The following RBM38 variants were observed in gnomAD, a reference collection of about 807,000 sequenced individuals.
The protein encoded by RBM38 is RNA binding motif protein 38.
In RBM38, 11 loss-of-function variants were observed where a neutral mutation model predicts 23.5. That is an observed-to-expected ratio of 0.47 (90% CI 0.29 to 0.77). The LOEUF (loss-of-function observed/expected upper bound fraction) is 0.77. Among genes scored for constraint, RBM38 ranks in the 30% least tolerant of loss-of-function variants. The pLI is 0.08. For synonymous variants in RBM38, 165 were observed against 166.1 expected (o/e 0.99, Z 0.05); for missense variants, 330 against 351.9 (o/e 0.94, Z 0.50).
chr20:57,408,055 G>A lies in RBM38; in HGVS notation c.*209G>A. 1.6e-6 allele frequency: 1 copy of A among 631,750 alleles called. No homozygotes were observed. The highest frequency in any genetic ancestry group is 2.0e-5 in the South Asian group (1 of 50,910). 39.1% of individuals were successfully genotyped at this position (631,750 alleles called of 1,614,324 possible). A position where few individuals can be genotyped will look rare whatever the true frequency, so the allele number is the denominator to read the frequency against. On this transcript the variant is annotated 3_prime_UTR_variant, in exon 4 of 4. Coordinates refer to ENST00000356208, the MANE Select transcript of RBM38 (RefSeq NM_017495.6). ...ATCTAGGTCCCATTGTGTCTTGAGG[G>A]AGGACTTTAAGAATGACTGAGAACT...
In RBM38 at chr20:57,407,536, C is replaced by A; in HGVS notation, c.417-7C>A. 6.2e-7 allele frequency: 1 copy of A among 1,612,486 alleles called. No homozygotes were observed. Among genetic ancestry groups the A allele is most frequent in the Non-Finnish European group, 8.5e-7 (1 of 1,178,904 alleles). The stretch of plus-strand genomic sequence containing the variant: ...CTGGCCCTAACCTGCTCTGCTTGGC[C>A]CCACAGGCTGACCCCGCACTACATC... On this transcript the variant is annotated splice_region_variant and splice_polypyrimidine_tract_variant and intron_variant, in intron 3 of 3. Transcript: ENST00000356208. This position sits in a 1 kb window ranked among gnomAD's most constrained non-coding sequence, Gnocchi z 4.0.
At chr20:57,394,680 G>C (rs2067256606) in intron 3 of RBM38, among the ~76,000 whole-genome samples, 1 of 152,056 alleles carries the variant, frequency 6.6e-6, no homozygotes, top group African/African-American at 2.4e-5. Flanking sequence ...GAGGGTGTTT[G>C]GGGACACTGT....
At chr20:57,392,239 A>C in intron 1 of RBM38, 1 of 361,160 alleles carries the variant, frequency 2.8e-6, no homozygotes, top group Non-Finnish European at 5.3e-6. Context: ...AATAAACATC[A>C]GCTTAAGTAA....
chr20:57,407,569 C>T lies in RBM38; in HGVS notation c.443C>T (p.Pro148Leu). ...YGLTPHYIYPPAIVQPSVVIP... is the reference protein window; with the variant it reads ...YGLTPHYIYPLAIVQPSVVIP... ...CTGACCCCGCACTACATCTACCCAC[C>T]AGCCATCGTGCAGCCCAGCGTGGTG... is the stretch of plus-strand genomic sequence containing the variant. The change falls in exon 4 of 4, where the codon CCA becomes CTA. Residue 148 changes from proline (P) to leucine (L), a missense_variant. Physicochemically the swap from Pro to Leu is moderately conservative, Grantham distance 98. Transcript: ENST00000356208. The surrounding 1 kb of genome is among the most constrained non-coding windows in gnomAD (Gnocchi z 4.0). 1 of 1,613,802 alleles carries T rather than the reference C, an allele frequency of 6.2e-7. No homozygotes were observed. Among genetic ancestry groups the T allele is most frequent in the South Asian group, 1.1e-5 (1 of 91,056 alleles).
In RBM38 at chr20:57,393,328, TTACGGG is replaced by T; in HGVS notation, c.413_416+2del. The T allele has an allele frequency of 6.2e-7, 1 of 1,613,866 alleles. No homozygotes were observed. Among genetic ancestry groups the T allele is most frequent in the Non-Finnish European group, 8.5e-7 (1 of 1,179,824 alleles). On this transcript the variant is annotated splice_donor_variant and coding_sequence_variant, in exon 3 of 4. Transcript: ENST00000356208. LOFTEE classifies it high-confidence loss of function. Reference sequence around the variant, plus strand: ...TGCACCCCACCTTGATCCAGCGGACTTACGGGTGAGTGGACATGGCTGGCTTGGGGT... The same window carrying T: ...TGCACCCCACCTTGATCCAGCGGACTTGAGTGGACATGGCTGGCTTGGGGT...
At chr20:57,394,197 CGT>C (rs1178613812) in intron 3 of RBM38, among the ~76,000 whole-genome samples, 1 of 152,164 alleles carries the variant, frequency 6.6e-6, no homozygotes, top group Non-Finnish European at 1.5e-5. Flanking sequence ...CAGTTGATCA[CGT>C]GTGTGTGCTC....
At position 57,391,607 on chromosome 20, in the gene RBM38, C is replaced by T. The variant is rs1434128269; in HGVS notation, c.26C>T (p.Ala9Val). The T allele has an allele frequency of 7.1e-7, 1 of 1,407,114 alleles. No individual in the cohort carries two copies. Among genetic ancestry groups the T allele is most frequent in the South Asian group, 1.4e-5 (1 of 71,878 alleles). The allele number at this position is 1,407,114 out of a possible 1,614,324, so 87.2% of individuals were successfully genotyped here. A position where few individuals can be genotyped will look rare whatever the true frequency, so the allele number is the denominator to read the frequency against. MLLQPAPC[A>V]PSAGFPRPLA... is the part of the protein sequence containing the mutation. The stretch of plus-strand genomic sequence containing the variant: ...ATGCTGCTGCAGCCCGCGCCGTGCG[C>T]CCCGAGCGCGGGCTTCCCGCGGCCC... The change falls in exon 1 of 4, where the codon GCC (alanine) becomes GTC (valine). Residue 9 changes from alanine (A) to valine (V), a missense_variant. Ala to Val is a moderately conservative substitution (Grantham distance 64). Transcript: ENST00000356208.
At position 57,407,668 on chromosome 20, in the gene RBM38, A is replaced by G; in HGVS notation, c.542A>G (p.Gln181Arg). ...EYTPASPAYA[Q>R]YPPATYDQYP... ...ACGCCGGCCAGCCCGGCCTACGCCC[A>G]GTACCCACCGGCCACCTATGACCAG... Residue 181 changes from glutamine to arginine, a missense_variant, in exon 4 of 4, where the codon CAG (glutamine) becomes CGG (arginine). This residue lies in a region of RBM38 where 227 missense variants were observed against 216.4 expected (regional missense o/e 1.05). Coordinates refer to ENST00000356208, the MANE Select transcript of RBM38 (RefSeq NM_017495.6). The surrounding 1 kb of genome is among the most constrained non-coding windows in gnomAD (Gnocchi z 4.0). 1.2e-6 allele frequency: 2 copies of G among 1,613,122 alleles called. No homozygotes were observed. The highest frequency in any genetic ancestry group is 8.5e-7 in the Non-Finnish European group (1 of 1,179,716).
intron 3 of RBM38, among the ~76,000 whole-genome samples, chr20:57,395,634 G>A (rs544415114): frequency 6.6e-6 from 1 of 151,672 alleles, no homozygotes; most frequent in Non-Finnish European, 1.5e-5. Context: ...GAATCGCGCC[G>A]CCTCCTGCCC....
At chr20:57,392,554 AAG>A (rs2067230929) in intron 1 of RBM38, 98 bp from the exon 2 acceptor site, 2 of 1,515,718 alleles carry the variant, frequency 1.3e-6, no homozygotes, top group Middle Eastern at 1.8e-4. Flanking sequence ...AGAGGAAGGG[AAG>A]AGAGGGGTGG....
At chr20:57,406,483 T>A (rs1175379440) in intron 3 of RBM38, among the ~76,000 whole-genome samples, 1 of 152,096 alleles carries the variant, frequency 6.6e-6, no homozygotes, top group Non-Finnish European at 1.5e-5. Context: ...GTGTGTGAAA[T>A]GGGCCTCATG....
In RBM38 at chr20:57,407,658, GCCTACGCCCAGTACCCACCGGCCA is replaced by G; in HGVS notation, c.537_560del (p.Ala180_Tyr187del). 6.2e-7 allele frequency: 1 copy of G among 1,613,362 alleles called. No homozygotes were observed. The highest frequency in any genetic ancestry group is 8.5e-7 in the Non-Finnish European group (1 of 1,179,834). On this transcript the variant is annotated inframe_deletion, in exon 4 of 4. Transcript: ENST00000356208. This position sits in a 1 kb window ranked among gnomAD's most constrained non-coding sequence, Gnocchi z 4.0. ...CATTGAGTACACGCCGGCCAGCCCG[GCCTACGCCCAGTACCCACCGGCCA>G]CCTATGACCAGTACCCATACGCCGC...
chr20:57,407,716 C>T lies in RBM38; in HGVS notation c.590C>T (p.Ala197Val), dbSNP rs201875738. 4.8e-5 allele frequency: 78 copies of T among 1,611,938 alleles called. No individual in the cohort carries two copies. In the African/African-American group the frequency reaches 1.0e-3, roughly 21 times the overall value. The part of the protein sequence containing the change: ...YDQYPYAASP[A>V]TAASFVGYSY... ...CAGTACCCATACGCCGCCTCGCCTG[C>T]CACGGCTGCCAGCTTCGTGGGCTAC... The change falls in exon 4 of 4, where the codon GCC becomes GTC. Residue 197 changes from alanine to valine, a missense_variant. By Grantham distance (64) the Ala-to-Val change is moderately conservative. This residue lies in a region of RBM38 where 227 missense variants were observed against 216.4 expected (regional missense o/e 1.05). Transcript: ENST00000356208. This position sits in a 1 kb window ranked among gnomAD's most constrained non-coding sequence, Gnocchi z 4.0.
chr20:57,398,286 ACGTGTGCGGGC>A (rs2146208931), intron 3 of RBM38, among the ~76,000 whole-genome samples: 1 of 152,172 alleles, frequency 6.6e-6, no homozygotes, highest in African/African-American at 2.4e-5. Context: ...ACGCACGCAC[ACGTGTGCGGGC>A]GTGCTGGGGA....
chr20:57,399,704 T>A (rs1039601761), intron 3 of RBM38, among the ~76,000 whole-genome samples: 6 of 152,144 alleles, frequency 3.9e-5, no homozygotes, highest in Non-Finnish European at 5.9e-5. Context: ...TGAATGTCCC[T>A]AGACCTCCCG....
At chr20:57,402,868 C>T (rs746850416) in intron 3 of RBM38, among the ~76,000 whole-genome samples, 4 of 152,274 alleles carry the variant, frequency 2.6e-5, no homozygotes, top group African/African-American at 7.2e-5. Flanking sequence ...TTTGTGGCCG[C>T]CCGGCGTGGG....
At chr20:57,402,031 T>C (rs531846841) in intron 3 of RBM38, among the ~76,000 whole-genome samples, 226 of 152,272 alleles carry the variant, frequency 1.5e-3, no homozygotes, top group African/African-American at 5.1e-3. Flanking sequence ...CACTGCAGCC[T>C]CCGCCTCCCG....
intron 1 of RBM38, 28 bp downstream of exon 1, chr20:57,391,846 A>C (rs922054746): frequency 1.3e-5 from 19 of 1,468,180 alleles, no homozygotes; most frequent in Middle Eastern, 2.3e-4. Context: ...CCGGGCCCGC[A>C]CCCCGCCGCA....
rs759649660 is a variant in RBM38, at chr20:57,407,371, C to T, written c.417-172C>T. Among the ~76,000 whole-genome samples the T allele has an allele frequency of 6.6e-6, 1 of 152,022 alleles. No homozygotes were observed. Among genetic ancestry groups the T allele is most frequent in the African/African-American group, 2.4e-5 (1 of 41,362 alleles). On this transcript the variant is annotated intron_variant, in intron 3 of 3. Transcript: ENST00000356208. This position sits in a 1 kb window ranked among gnomAD's most constrained non-coding sequence, Gnocchi z 4.0. Reference sequence around the variant, plus strand: ...TGGTGGTTAGTGCAGACAGTCAGTGCGAAGGCCTTGAGGCGGCAGCATCTG... The same window carrying T: ...TGGTGGTTAGTGCAGACAGTCAGTGTGAAGGCCTTGAGGCGGCAGCATCTG...
Sources: allele counts gnomAD v4.1 joint callset (sites outside exome capture counted in the v4.1 genomes callset), GRCh38; gene constraint gnomAD v4.1.1; regional missense constraint gnomAD v4.1.1; non-coding constraint Gnocchi (gnomAD v3.1); transcripts MANE v1.5; gene names NCBI Gene and HGNC (gene_info 2026-07-23, HGNC 2026-07-21).